Variants in TRIM11 observed in about 807,000 individuals in gnomAD.
TRIM11 encodes tripartite motif containing 11, also known as E3 ubiquitin-protein ligase TRIM11.
A neutral mutation model predicts 33.4 loss-of-function variants in TRIM11; 15 were observed. The observed-to-expected ratio is 0.45, with a 90% CI of 0.30 to 0.69. The LOEUF (loss-of-function observed/expected upper bound fraction) is 0.69, where lower values mean the gene tolerates loss of function less well. Among genes scored for constraint, TRIM11 ranks in the 30% least tolerant of loss-of-function variants. The probability of loss-of-function intolerance (pLI) is 0.08; values close to 1 mark genes in which losing one functional copy is unlikely to be tolerated. For missense variants in TRIM11, 499 were observed against 667.6 expected (o/e 0.75, Z 2.78); for synonymous variants, 281 against 302.6 (o/e 0.93, Z 0.74).
chr1:228,399,879 C>CAAAAAAAAAAAACAAAAAAAAA (rs55896989), intron 3 of TRIM11, among the ~76,000 whole-genome samples: 1 of 115,908 alleles, frequency 8.6e-6, no homozygotes, highest in Non-Finnish European at 1.7e-5. Flanking sequence ...CTTAAATCTA[C>CAAAAAAAAAAAACAAAAAAAAA]AAAAAAAAAA....
In TRIM11 at chr1:228,394,902, C is replaced by T. The variant is rs753479680; in HGVS notation, c.1210G>A (p.Val404Met). 2.5e-6 allele frequency: 4 copies of T among 1,614,034 alleles called. No homozygotes were observed. The highest frequency in any genetic ancestry group is 2.2e-5 in the East Asian group (1 of 44,874). Residue 404 changes from valine to methionine, a missense_variant, in exon 6 of 6, where the codon GTG (valine) becomes ATG (methionine). Coordinates refer to ENST00000284551, the MANE Select transcript of TRIM11 (RefSeq NM_145214.3). This position sits in a 1 kb window ranked among gnomAD's most constrained non-coding sequence, Gnocchi z 6.2. ...LAPLRDPPRR[V>M]GIFLDYEAGH... ...GCCTCGTAGTCCAGAAAGATCCCCA[C>T]GCGCCTGGGTGGGTCCCGGAGTGGA...
Position 228,394,737 on chromosome 1 carries a change from C to T in TRIM11, c.1375G>A (p.Gly459Ser). 6.2e-7 allele frequency: 1 copy of T among 1,610,200 alleles called. No homozygotes were observed. The highest frequency in any genetic ancestry group is 8.5e-7 in the Non-Finnish European group (1 of 1,177,248). ...GGAGCCAGGGTGTCCCCGGACCCAC[C>T]TTTCGGCCGGCAGATAGTCATCGGG... is the stretch of plus-strand genomic sequence containing the variant. The part of the protein sequence containing the change: ...PTPMTICRPK[G>S]GSGDTLAPQ Residue 459 changes from glycine to serine, a missense_variant, in exon 6 of 6, where the codon GGT becomes AGT. Physicochemically the swap from Gly to Ser is moderately conservative, Grantham distance 56. Transcript: ENST00000284551. This position sits in a 1 kb window ranked among gnomAD's most constrained non-coding sequence, Gnocchi z 6.2.
chr1:228,394,968 A>C lies in TRIM11; in HGVS notation c.1144T>G (p.Phe382Val). 1 of 1,614,154 alleles carries C rather than the reference A, an allele frequency of 6.2e-7. No homozygotes were observed. Among genetic ancestry groups the C allele is most frequent in the Non-Finnish European group, 8.5e-7 (1 of 1,180,010 alleles). ...SAGNGFWILV[F>V]LGSYYNSSER... ...GAGGAATTGTAATAGCTCCCCAGGA[A>C]GACCAGGATCCAGAAGCCGTTGCCC... Residue 382 changes from phenylalanine (F) to valine (V), a missense_variant, in exon 6 of 6, where the codon TTC becomes GTC. Coordinates refer to ENST00000284551, the MANE Select transcript of TRIM11 (RefSeq NM_145214.3). This position sits in a 1 kb window ranked among gnomAD's most constrained non-coding sequence, Gnocchi z 6.2.
chr1:228,395,302 G>A lies in TRIM11; in HGVS notation c.860-50C>T. 2.1e-6 allele frequency: 3 copies of A among 1,411,730 alleles called. No homozygotes were observed. Among genetic ancestry groups the A allele is most frequent in the Non-Finnish European group, 2.8e-6 (3 of 1,086,650 alleles). The allele number at this position is 1,411,730 out of a possible 1,614,324, so 87.5% of individuals were successfully genotyped here. ...CCAGGCACAGCCACAGGCAAGCTGG[G>A]GCCATCTGCCCATGTCCTGGGCATG... On this transcript the variant is annotated intron_variant, in intron 5 of 5. Transcript: ENST00000284551. This position sits in a 1 kb window ranked among gnomAD's most constrained non-coding sequence, Gnocchi z 4.8.
Position 228,401,874 on chromosome 1 carries a change from G to A in TRIM11, c.504+192C>T, listed in dbSNP as rs1656238479. Among the ~76,000 whole-genome samples, 2 of 152,082 alleles carry A rather than the reference G, an allele frequency of 1.3e-5. No homozygotes were observed. Among genetic ancestry groups the A allele is most frequent in the Non-Finnish European group, 2.9e-5 (2 of 68,010 alleles). On this transcript the variant is annotated intron_variant, in intron 2 of 5. Transcript: ENST00000284551. The surrounding 1 kb of genome is among the most constrained non-coding windows in gnomAD (Gnocchi z 6.1). ...TTGCAGTATGGGAGCCCACGCCCAC[G>A]ACCTGGCAGGACAGGTGCACGTGGG... is the stretch of plus-strand genomic sequence containing the variant.
rs1208933274 is a variant in TRIM11 at position 228,394,773 on chromosome 1, T to C, written c.1339A>G (p.Ser447Gly). 1.9e-6 allele frequency: 3 copies of C among 1,613,502 alleles called. No homozygotes were observed. Among genetic ancestry groups the C allele is most frequent in the African/African-American group, 1.3e-5 (1 of 74,838 alleles). Residue 447 changes from serine (S) to glycine (G), a missense_variant, in exon 6 of 6, where the codon AGC becomes GGC. Ser to Gly is a moderately conservative substitution (Grantham distance 56). Coordinates refer to ENST00000284551, the MANE Select transcript of TRIM11 (RefSeq NM_145214.3). The surrounding 1 kb of genome is among the most constrained non-coding windows in gnomAD (Gnocchi z 6.2). ...CAGATAGTCATCGGGGTCGGGCTGC[T>C]GGACAGGGGTGAGAAGAGGGGCCGC... ...TLRPLFSPLS[S>G]SPTPMTICRP...
intron 4 of TRIM11, 25 bp from the exon 5 acceptor site, chr1:228,397,072 T>A (rs757874041): frequency 3.1e-6 from 5 of 1,613,528 alleles, no homozygotes; most frequent in Admixed American, 3.3e-5. Flanking sequence ...CCAGGTGTTG[T>A]CGCCATGGCC....
chr1:228,397,146 C>A lies in TRIM11; in HGVS notation c.755G>T (p.Arg252Leu). ...GLLQDIKDAL[R>L]RVQDVKLQPP... is the part of the protein sequence containing the mutation. Reference sequence around the variant, plus strand: ...CCAGGAGAGGCTGGGTTCGTACCTGCGCAGGGCGTCCTTGATGTCCTATGT... The same window carrying A: ...CCAGGAGAGGCTGGGTTCGTACCTGAGCAGGGCGTCCTTGATGTCCTATGT... The change falls in exon 4 of 6, where the codon CGC (arginine) becomes CTC (leucine). Residue 252 changes from arginine to leucine, a missense_variant. By Grantham distance (102) the Arg-to-Leu change is moderately radical. Transcript: ENST00000284551. The A allele has an allele frequency of 1.9e-6, 3 of 1,613,698 alleles. No homozygotes were observed. Among genetic ancestry groups the A allele is most frequent in the Non-Finnish European group, 2.5e-6 (3 of 1,179,764 alleles).
At chr1:228,397,280 GGCA>G in intron 3 of TRIM11, 115 bp from the exon 4 acceptor site, 6 of 1,331,068 alleles carry the variant, frequency 4.5e-6, no homozygotes, top group Non-Finnish European at 6.2e-6. Flanking sequence ...TTGAGCGTCA[GGCA>G]GCAAAAACAC....
At position 228,395,174 on chromosome 1, in the gene TRIM11, T is replaced by A. The variant is rs1435353778; in HGVS notation, c.938A>T (p.Asp313Val). ...SEDRRSVQRG[D>V]LRQALPDSPE... Reference sequence around the variant, plus strand: ...GCTGTCCGGCAGGGCCTGCCGTAGGTCCCCCCGCTGCACGCTCCGCCTGTC... The same window carrying A: ...GCTGTCCGGCAGGGCCTGCCGTAGGACCCCCCGCTGCACGCTCCGCCTGTC... Residue 313 changes from aspartate (D) to valine (V), a missense_variant, in exon 6 of 6, where the codon GAC becomes GTC. By Grantham distance (152) the Asp-to-Val change is radical. Coordinates refer to ENST00000284551, the MANE Select transcript of TRIM11 (RefSeq NM_145214.3). This position sits in a 1 kb window ranked among gnomAD's most constrained non-coding sequence, Gnocchi z 4.8. 6.6e-7 allele frequency: 1 copy of A among 1,519,772 alleles called. No individual in the cohort carries two copies. The highest frequency in any genetic ancestry group is 1.4e-5 in the African/African-American group (1 of 72,068). The allele number at this position is 1,519,772 out of a possible 1,614,324, so 94.1% of individuals were successfully genotyped here.
At position 228,406,475 on chromosome 1, in the gene TRIM11, G is replaced by A. The variant is rs758042752; in HGVS notation, c.87C>T (p.Thr29=). ...CGCGGCAGAAGTTGTGGCCGCAGTC[G>A]GTCATCACCGGATCCGTGAAGTAGT... ...CLDYFTDPVM[T]DCGHNFCREC... The change falls in exon 1 of 6, where the codon ACC becomes ACT. Residue 29 remains threonine (T), a synonymous_variant. Transcript: ENST00000284551. The surrounding 1 kb of genome is among the most constrained non-coding windows in gnomAD (Gnocchi z 8.2). 3 of 1,590,582 alleles carry A rather than the reference G, an allele frequency of 1.9e-6. No homozygotes were observed. Among genetic ancestry groups the A allele is most frequent in the Non-Finnish European group, 2.6e-6 (3 of 1,171,986 alleles).
chr1:228,399,115 A>T (rs1473565359), intron 3 of TRIM11, among the ~76,000 whole-genome samples: 1 of 151,956 alleles, frequency 6.6e-6, no homozygotes, highest in Non-Finnish European at 1.5e-5. Flanking sequence ...CTTTACCTCC[A>T]CTGTGCAACC....
chr1:228,406,792 G>T lies in TRIM11; in HGVS notation c.-231C>A, dbSNP rs1355574576. 2.7e-6 allele frequency: 1 copy of T among 374,764 alleles called. No homozygotes were observed. Among genetic ancestry groups the T allele is most frequent in the African/African-American group, 2.1e-5 (1 of 47,310 alleles). The allele number at this position is 374,764 out of a possible 1,614,324, so 23.2% of individuals were successfully genotyped here. A position where few individuals can be genotyped will look rare whatever the true frequency, so the allele number is the denominator to read the frequency against. Reference sequence around the variant, plus strand: ...TAGGCTCCGAGCGCTCGGGGGACGCGGGACGTAGGGATCCCGGATGCCGGC... The same window carrying T: ...TAGGCTCCGAGCGCTCGGGGGACGCTGGACGTAGGGATCCCGGATGCCGGC... On this transcript the variant is annotated 5_prime_UTR_variant, in exon 1 of 6. Coordinates refer to ENST00000284551, the MANE Select transcript of TRIM11 (RefSeq NM_145214.3). This position sits in a 1 kb window ranked among gnomAD's most constrained non-coding sequence, Gnocchi z 8.2.
chr1:228,402,063 T>C lies in TRIM11; in HGVS notation c.504+3A>G, dbSNP rs780547319. 16 of 1,610,550 alleles carry C rather than the reference T, an allele frequency of 9.9e-6. No individual in the cohort carries two copies. In the African/African-American group the frequency reaches 2.0e-4, roughly 20 times the overall value. The stretch of plus-strand genomic sequence containing the variant: ...CCAGGACCCTGGGAGCCCCAGCACC[T>C]GCCTGCCACAAGACGCAGGTCTCAT... On this transcript the variant is annotated splice_donor_region_variant and intron_variant, in intron 2 of 5. Coordinates refer to ENST00000284551, the MANE Select transcript of TRIM11 (RefSeq NM_145214.3).
At chr1:228,399,163 G>C (rs1176014273) in intron 3 of TRIM11, among the ~76,000 whole-genome samples, 1 of 152,038 alleles carries the variant, frequency 6.6e-6, no homozygotes, top group Non-Finnish European at 1.5e-5. Context: ...ACCCGGGTTG[G>C]GTTCCCCTAC....
In TRIM11 at chr1:228,400,379, G is replaced by C. The variant is rs1259865359; in HGVS notation, c.735+585C>G. On this transcript the variant is annotated intron_variant, in intron 3 of 5. Coordinates refer to ENST00000284551, the MANE Select transcript of TRIM11 (RefSeq NM_145214.3). This position sits in a 1 kb window ranked among gnomAD's most constrained non-coding sequence, Gnocchi z 4.5. ...CCCCCTGACCTGCCGCCAGGCCACAGGCCAGGGCGTCCACTGGTTCTGGTT... is the reference window on the plus strand; with the variant it reads ...CCCCCTGACCTGCCGCCAGGCCACACGCCAGGGCGTCCACTGGTTCTGGTT... Among the ~76,000 whole-genome samples, 1 of 152,248 alleles carries C rather than the reference G, an allele frequency of 6.6e-6. No homozygotes were observed. The highest frequency in any genetic ancestry group is 6.5e-5 in the Admixed American group (1 of 15,284).
At position 228,394,425 on chromosome 1, in the gene TRIM11, G is replaced by A. The variant is rs1426958596; in HGVS notation, c.*280C>T. 11 of 455,644 alleles carry A rather than the reference G, an allele frequency of 2.4e-5. No individual in the cohort carries two copies. Among genetic ancestry groups the A allele is most frequent in the South Asian group, 1.4e-4 (3 of 20,920 alleles). The allele number at this position is 455,644 out of a possible 1,614,324, so 28.2% of individuals were successfully genotyped here. The stretch of plus-strand genomic sequence containing the variant: ...TCTGGAACCACAGGCCAGAGCTGCC[G>A]GGGCAATGGGGCTCCCAGCTTTGGT... On this transcript the variant is annotated 3_prime_UTR_variant, in exon 6 of 6. Coordinates refer to ENST00000284551, the MANE Select transcript of TRIM11 (RefSeq NM_145214.3). The surrounding 1 kb of genome is among the most constrained non-coding windows in gnomAD (Gnocchi z 6.2).
rs919182559 is a variant in TRIM11, at chr1:228,406,800, G to C, written c.-239C>G. ...GAGCGCTCGGGGGACGCGGGACGTA[G>C]GGATCCCGGATGCCGGCAGGAAGAG... On this transcript the variant is annotated 5_prime_UTR_variant, in exon 1 of 6. Transcript: ENST00000284551. The surrounding 1 kb of genome is among the most constrained non-coding windows in gnomAD (Gnocchi z 8.2). 1.4e-5 allele frequency: 5 copies of C among 353,658 alleles called. No homozygotes were observed. Among genetic ancestry groups the C allele is most frequent in the Non-Finnish European group, 2.5e-5 (5 of 198,650 alleles). The allele number at this position is 353,658 out of a possible 1,614,324, so 21.9% of individuals were successfully genotyped here. A position where few individuals can be genotyped will look rare whatever the true frequency, so the allele number is the denominator to read the frequency against.
chr1:228,400,634 C>A lies in TRIM11; in HGVS notation c.735+330G>T, dbSNP rs1212667677. 2.0e-5 allele frequency among the ~76,000 whole-genome samples: 3 copies of A among 152,318 alleles called. No individual in the cohort carries two copies. In the East Asian group the frequency reaches 5.8e-4, roughly 29 times the overall value. ...CCAAGGTGGTCCCAGCGAGCACATG[C>A]CCACTCTGCTGTGCCCACAGGGAGC... On this transcript the variant is annotated intron_variant, in intron 3 of 5. Coordinates refer to ENST00000284551, the MANE Select transcript of TRIM11 (RefSeq NM_145214.3). This position sits in a 1 kb window ranked among gnomAD's most constrained non-coding sequence, Gnocchi z 4.5.
Sources: gnomAD v4.1 joint callset for allele counts (sites outside exome capture counted in the v4.1 genomes callset) on GRCh38, gnomAD v4.1.1 for gene constraint, Gnocchi (gnomAD v3.1) non-coding constraint, MANE v1.5 for transcripts, NCBI Gene and HGNC (gene_info 2026-07-23, HGNC 2026-07-21) for gene names.